PIEZO1: variants seen among roughly 807,000 people sequenced by gnomAD.
PIEZO1 encodes piezo-type mechanosensitive ion channel component 1.
A neutral mutation model predicts 297.2 loss-of-function variants in PIEZO1; 296 were observed. The observed-to-expected ratio is 1.00, with a 90% confidence interval of 0.91 to 1.10. The LOEUF is 1.10. Ranked by LOEUF, PIEZO1 falls within the 50% of genes least tolerant of loss-of-function variation. The pLI is 0.00. For missense variants in PIEZO1, 5,018 were observed against 3,455.5 expected (o/e 1.45, Z -11.34); for synonymous variants, 2,427 against 1,507.5 (o/e 1.61, Z -14.13).
Position 88,721,234 on chromosome 16 carries a change from C to T in PIEZO1, c.5600G>A (p.Arg1867Lys). The T allele has an allele frequency of 6.5e-7, 1 of 1,540,570 alleles. No individual in the cohort carries two copies. Among genetic ancestry groups the T allele is most frequent in the Admixed American group, 2.0e-5 (1 of 50,930 alleles). Residue 1867 changes from arginine (R) to lysine (K), a missense_variant, in exon 39 of 51, where the codon AGG becomes AAG. Physicochemically the swap from Arg to Lys is conservative, Grantham distance 26. Transcript: ENST00000301015. The stretch of plus-strand genomic sequence containing the variant: ...TCTTCTAAAACGTAGACTGATGCGC[C>T]TCGTATCACGGGGCCTGAGCTCCAC... ...PQVELRPRDT[R>K]RISLRFRRRK...
Position 88,733,586 on chromosome 16 carries a change from A to G in PIEZO1, c.2487+2T>C. The G allele has an allele frequency of 6.5e-7, 1 of 1,539,302 alleles. No individual in the cohort carries two copies. Among genetic ancestry groups the G allele is most frequent in the Non-Finnish European group, 8.8e-7 (1 of 1,139,362 alleles). On this transcript the variant is annotated splice_donor_variant, in intron 18 of 50. Transcript: ENST00000301015. LOFTEE classifies it high-confidence loss of function. Reference sequence around the variant, plus strand: ...GGAAGCTGAGTTGCCTGCCACACTCACCTCCTTCAGGGCCACCCAGACGGT... The same window carrying G: ...GGAAGCTGAGTTGCCTGCCACACTCGCCTCCTTCAGGGCCACCCAGACGGT...
intron 30 of PIEZO1, 142 bp downstream of exon 30, chr16:88,724,867 C>T (rs900460403): frequency 1.3e-5 from 7 of 557,550 alleles, no homozygotes; most frequent in Admixed American, 4.2e-5. Context: ...AGGCACCCCC[C>T]GACCCAGGAG....
intron 22 of PIEZO1, 40 bp downstream of exon 22, chr16:88,731,658 TCCACAAAG>T (rs369167809): frequency 1.2e-5 from 18 of 1,460,814 alleles, no homozygotes; most frequent in African/African-American, 2.8e-5. Flanking sequence ...CCCACGGGCA[TCCACAAAG>T]CCACAAAGCC....
chr16:88,720,460 G>A lies in PIEZO1; in HGVS notation c.5874C>T (p.Thr1958=), dbSNP rs150214594. ...CCAGGAACATGAGGGCATAGACGTC[G>A]GTGGCTGCGCGGTACTTGGTGTGCA... The part of the protein sequence containing the change: ...DILHTKYRAA[T]DVYALMFLAD... The change falls in exon 41 of 51, where the codon ACC becomes ACT. Residue 1958 remains threonine, a synonymous_variant. Coordinates refer to ENST00000301015, the MANE Select transcript of PIEZO1 (RefSeq NM_001142864.4). The A allele has an allele frequency of 1.7e-4, 271 of 1,550,486 alleles. 1 individual carries two copies. The African/African-American group carries it at 3.0e-3, about 17-fold the overall frequency.
chr16:88,783,142 G>A (rs1341801457), intron 1 of PIEZO1, among the ~76,000 whole-genome samples: 1 of 152,158 alleles, frequency 6.6e-6, no homozygotes, highest in Non-Finnish European at 1.5e-5. Flanking sequence ...TCCTCCCCAA[G>A]GAGGCCAAAA....
intron 21 of PIEZO1, 128 bp downstream of exon 21, chr16:88,732,207 A>G: frequency 1.3e-6 from 1 of 756,822 alleles, no homozygotes; most frequent in Non-Finnish European, 2.2e-6. Flanking sequence ...CCTGGCCCTG[A>G]GTCCCCCACC....
At position 88,715,571 on chromosome 16, in the gene PIEZO1, C is replaced by T. The variant is rs748599881; in HGVS notation, c.*34G>A. On this transcript the variant is annotated 3_prime_UTR_variant, in exon 51 of 51. Coordinates refer to ENST00000301015, the MANE Select transcript of PIEZO1 (RefSeq NM_001142864.4). ...CTTGTGGCCACGCTGCCCAGCAGGCCGGCTCCTTCCCTCTCGGGCGCCAGC... is the reference window on the plus strand; with the variant it reads ...CTTGTGGCCACGCTGCCCAGCAGGCTGGCTCCTTCCCTCTCGGGCGCCAGC... 35 of 1,539,238 alleles carry T rather than the reference C, an allele frequency of 2.3e-5. No homozygotes were observed. The highest frequency in any genetic ancestry group is 1.8e-4 in the Middle Eastern group (1 of 5,500).
intron 31 of PIEZO1, among the ~76,000 whole-genome samples, chr16:88,723,626 G>A (rs889030510): frequency 1.3e-5 from 2 of 152,256 alleles, no homozygotes; most frequent in African/African-American, 4.8e-5. Flanking sequence ...TCAGGCCACG[G>A]GCAGCCACCA....
In PIEZO1 at chr16:88,736,196, C is replaced by G. The variant is rs1567674209; in HGVS notation, c.1509G>C (p.Gln503His). The G allele has an allele frequency of 1.3e-6, 2 of 1,549,530 alleles. No individual in the cohort carries two copies. Among genetic ancestry groups the G allele is most frequent in the East Asian group, 2.4e-5 (1 of 40,916 alleles). ...GGTAGCGGGTGTGCTCCAGCCCCAG[C>G]TGGCGCAGGCTGACGGGGCCCAGGG... is the stretch of plus-strand genomic sequence containing the variant. ...PTTLGPVSLR[Q>H]LGLEHTRYPC... is the part of the protein sequence containing the mutation. Residue 503 changes from glutamine (Q) to histidine (H), a missense_variant, in exon 12 of 51, where the codon CAG (glutamine) becomes CAC (histidine). Transcript: ENST00000301015.
chr16:88,735,131 T>G lies in PIEZO1; in HGVS notation c.1669+4A>C. 6.5e-7 allele frequency: 1 copy of G among 1,549,950 alleles called. No homozygotes were observed. The highest frequency in any genetic ancestry group is 8.7e-7 in the Non-Finnish European group (1 of 1,146,604). ...GCAACCCCCGCCTCTGGCCCACCACTCACCTGTGTCTGCCACGGTGACCTC... is the reference window on the plus strand; with the variant it reads ...GCAACCCCCGCCTCTGGCCCACCACGCACCTGTGTCTGCCACGGTGACCTC... On this transcript the variant is annotated splice_donor_region_variant and intron_variant, in intron 13 of 50. Transcript: ENST00000301015.
chr16:88,755,464 G>A (rs112396084), intron 1 of PIEZO1, among the ~76,000 whole-genome samples: 6 of 152,312 alleles, frequency 3.9e-5, no homozygotes, highest in East Asian at 1.9e-4. Context: ...CACCCGCCAC[G>A]TTCCCAGCCA....
rs960905074 is a variant in PIEZO1, at chr16:88,720,155, G to A, written c.6078C>T (p.Thr2026=). 3.9e-5 allele frequency: 61 copies of A among 1,550,346 alleles called. No homozygotes were observed. The highest frequency in any genetic ancestry group is 3.6e-5 in the South Asian group (3 of 84,068). The part of the protein sequence containing the change: ...VVDRALYLRK[T]VLGKLAFQVA... Reference sequence around the variant, plus strand: ...CCTGGAAGGCCAGCTTGCCCAGCACGGTCTTGCGCAGGTAGAGGGCGCGGT... The same window carrying A: ...CCTGGAAGGCCAGCTTGCCCAGCACAGTCTTGCGCAGGTAGAGGGCGCGGT... Residue 2026 remains threonine (T), a synonymous_variant, in exon 42 of 51, where the codon ACC becomes ACT. Transcript: ENST00000301015.
chr16:88,754,351 C>T (rs747693499), intron 1 of PIEZO1, among the ~76,000 whole-genome samples: 29 of 152,184 alleles, frequency 1.9e-4, no homozygotes, highest in Non-Finnish European at 3.4e-4. Context: ...CACCACTCAA[C>T]CGGAACATTC....
rs1905040994 is a variant in PIEZO1, at chr16:88,733,923, G to A, written c.2312C>T (p.Ala771Val). The A allele has an allele frequency of 6.6e-7, 1 of 1,520,604 alleles. No individual in the cohort carries two copies. Among genetic ancestry groups the A allele is most frequent in the Non-Finnish European group, 8.9e-7 (1 of 1,128,818 alleles). The allele number at this position is 1,520,604 out of a possible 1,614,324, so 94.2% of individuals were successfully genotyped here. Reference sequence around the variant, plus strand: ...CAACCCACCTTCAGGCACCTGCGTGGCCTGGTGGGGAGTGGCCACGCCCAG... The same window carrying A: ...CAACCCACCTTCAGGCACCTGCGTGACCTGGTGGGGAGTGGCCACGCCCAG... Reference protein sequence around the residue: ...EGLGVATPHQATQVPEGAAKW... With the variant: ...EGLGVATPHQVTQVPEGAAKW... Residue 771 changes from alanine to valine, a missense_variant, in exon 17 of 51, where the codon GCC (alanine) becomes GTC (valine). By Grantham distance (64) the Ala-to-Val change is moderately conservative. Coordinates refer to ENST00000301015, the MANE Select transcript of PIEZO1 (RefSeq NM_001142864.4).
intron 44 of PIEZO1, chr16:88,717,833 A>C (rs1391085516): frequency 6.8e-6 from 3 of 440,574 alleles, no homozygotes; most frequent in African/African-American, 2.0e-5. Context: ...AAAAAACTCT[A>C]ATAAAAAACA....
chr16:88,727,738 C>G (rs887581134), intron 22 of PIEZO1, 77 bp from the exon 23 acceptor site: 5 of 650,310 alleles, frequency 7.7e-6, no homozygotes, highest in Non-Finnish European at 1.3e-5. Flanking sequence ...CCCGTTGACC[C>G]GAGTCTATCA....
chr16:88,757,931 A>G (rs1906753392), intron 1 of PIEZO1, among the ~76,000 whole-genome samples: 1 of 152,198 alleles, frequency 6.6e-6, no homozygotes, highest in Non-Finnish European at 1.5e-5. Flanking sequence ...CACAGACTCC[A>G]GCCAGCCTCA....
At position 88,722,412 on chromosome 16, in the gene PIEZO1, C is replaced by T. The variant is rs370528699; in HGVS notation, c.4776-15G>A. On this transcript the variant is annotated splice_polypyrimidine_tract_variant and intron_variant, in intron 35 of 50. Coordinates refer to ENST00000301015, the MANE Select transcript of PIEZO1 (RefSeq NM_001142864.4). ...CGCCCAGCCCACTGGGGAGGGAAGC[C>T]GAGTCACAGAGAATCCTGCTCTATG... The T allele has an allele frequency of 1.8e-5, 26 of 1,484,740 alleles. No individual in the cohort carries two copies. The Admixed American group carries it at 2.1e-4, about 12-fold the overall frequency. The allele number at this position is 1,484,740 out of a possible 1,614,324, so 92.0% of individuals were successfully genotyped here. A position where few individuals can be genotyped will look rare whatever the true frequency, so the allele number is the denominator to read the frequency against.
rs113439409 is a variant in PIEZO1, at chr16:88,717,086, G to T, written c.6597C>A (p.Ser2199=). 1 of 1,551,210 alleles carries T rather than the reference G, an allele frequency of 6.4e-7. No individual in the cohort carries two copies. Among genetic ancestry groups the T allele is most frequent in the Non-Finnish European group, 8.7e-7 (1 of 1,147,126 alleles). Reference sequence around the variant, plus strand: ...TGGGCTGGTTGACAACCCCAACCACGGAGCGCACCAGCGACATGAAGAGCA... The same window carrying T: ...TGGGCTGGTTGACAACCCCAACCACTGAGCGCACCAGCGACATGAAGAGCA... ...FPLLFMSLVR[S]VVGVVNQPID... Residue 2199 remains serine (S), a synonymous_variant, in exon 45 of 51, where the codon TCC becomes TCA. Coordinates refer to ENST00000301015, the MANE Select transcript of PIEZO1 (RefSeq NM_001142864.4).
Sources: gnomAD v4.1 joint callset for allele counts (sites outside exome capture counted in the v4.1 genomes callset) on GRCh38, gnomAD v4.1.1 for gene constraint, MANE v1.5 for transcripts, NCBI Gene and HGNC (gene_info 2026-07-23, HGNC 2026-07-21) for gene names.